TSPAN5: variants seen among roughly 807,000 people sequenced by gnomAD.
TSPAN5 encodes tetraspanin-5.
TSPAN5 carries 10 observed loss-of-function variants against 37.1 expected under a neutral mutation model. That is an observed-to-expected ratio of 0.27 (90% CI 0.17 to 0.46). The LOEUF (loss-of-function observed/expected upper bound fraction) is 0.46. TSPAN5 is among the 20% of genes least tolerant of loss of function. TSPAN5 has a pLI of 1.00. For synonymous variants in TSPAN5, 110 were observed against 118.9 expected (o/e 0.93, Z 0.48); for missense variants, 195 against 326.6 (o/e 0.60, Z 3.11).
chr4:98,658,406 GC>G lies in TSPAN5; in HGVS notation c.-181del. ...GCGGAGAGCGGCTCCCGCACCTCCA[GC>G]CCCTCGCGCGCCGAGGCCGCCGGAG... On this transcript the variant is annotated 5_prime_UTR_variant, in exon 1 of 8. Transcript: ENST00000305798. The G allele has an allele frequency of 2.8e-6, 1 of 361,630 alleles. No individual in the cohort carries two copies. Among genetic ancestry groups the G allele is most frequent in the Non-Finnish European group, 4.9e-6 (1 of 206,088 alleles). The allele number at this position is 361,630 out of a possible 1,614,324, so 22.4% of individuals were successfully genotyped here.
chr4:98,492,002 C>T (rs1028139990), intron 2 of TSPAN5, among the ~76,000 whole-genome samples: 1 of 152,152 alleles, frequency 6.6e-6, no homozygotes, highest in Non-Finnish European at 1.5e-5. Flanking sequence ...TGCAAGAACA[C>T]CACCAGCAGA....
intron 1 of TSPAN5, among the ~76,000 whole-genome samples, chr4:98,581,241 G>A (rs967077911): frequency 1.3e-5 from 2 of 152,112 alleles, no homozygotes; most frequent in African/African-American, 4.8e-5. Context: ...AAGTGAAAAA[G>A]CCATTCTGAA....
chr4:98,471,683 G>A lies in TSPAN5; in HGVS notation c.*839C>T, dbSNP rs1752587194. ...CAAACATACAAAACAAAATGACCCAGAATATTCCAGAGTTTCCAAAAATCC... is the reference window on the plus strand; with the variant it reads ...CAAACATACAAAACAAAATGACCCAAAATATTCCAGAGTTTCCAAAAATCC... On this transcript the variant is annotated 3_prime_UTR_variant, in exon 8 of 8. Transcript: ENST00000305798. The A allele has an allele frequency of 6.6e-6, 1 of 152,160 alleles. No individual in the cohort carries two copies. The highest frequency in any genetic ancestry group is 1.5e-5 in the Non-Finnish European group (1 of 68,038). 9.4% of individuals were successfully genotyped at this position (152,160 alleles called of 1,614,324 possible).
intron 1 of TSPAN5, among the ~76,000 whole-genome samples, chr4:98,580,281 T>C (rs1755338669): frequency 6.6e-6 from 1 of 152,210 alleles, no homozygotes; most frequent in Admixed American, 6.5e-5. Flanking sequence ...TGGGGGCAGA[T>C]GATGTGGACT....
intron 1 of TSPAN5, among the ~76,000 whole-genome samples, chr4:98,637,789 C>T (rs923873992): frequency 2.0e-5 from 3 of 152,150 alleles, no homozygotes; most frequent in Non-Finnish European, 2.9e-5. Context: ...TCTAAATCGC[C>T]CAAACCAACT....
chr4:98,482,189 C>G lies in TSPAN5; in HGVS notation c.280-14G>C. On this transcript the variant is annotated splice_polypyrimidine_tract_variant and intron_variant, in intron 3 of 7. Transcript: ENST00000305798. ...GAACACAGAAAACTAAGATAAAAGACACATACACAGAGAACAGTTATAAGG... is the reference window on the plus strand; with the variant it reads ...GAACACAGAAAACTAAGATAAAAGAGACATACACAGAGAACAGTTATAAGG... 6.2e-7 allele frequency: 1 copy of G among 1,612,808 alleles called. No individual in the cohort carries two copies. Among genetic ancestry groups the G allele is most frequent in the Non-Finnish European group, 8.5e-7 (1 of 1,179,474 alleles).
intron 1 of TSPAN5, among the ~76,000 whole-genome samples, chr4:98,548,921 A>C (rs900787880): frequency 7.3e-6 from 1 of 137,116 alleles, no homozygotes; most frequent in African/African-American, 2.9e-5. Flanking sequence ...GTGTGTGTGT[A>C]ACCCACATTT....
At chr4:98,520,347 T>G (rs76427464) in intron 1 of TSPAN5, among the ~76,000 whole-genome samples, 2 of 152,054 alleles carry the variant, frequency 1.3e-5, no homozygotes, top group African/African-American at 4.8e-5. Flanking sequence ...AAAAGTAACT[T>G]CCCTCAACTC....
intron 1 of TSPAN5, among the ~76,000 whole-genome samples, chr4:98,622,174 G>C (rs1489984084): frequency 1.3e-5 from 2 of 152,152 alleles, no homozygotes; most frequent in Non-Finnish European, 2.9e-5. Flanking sequence ...CTGCCTCCCA[G>C]GTTCAAATGA....
intron 1 of TSPAN5, among the ~76,000 whole-genome samples, chr4:98,650,812 C>A (rs992425491): frequency 9.2e-5 from 14 of 152,262 alleles, no homozygotes; most frequent in African/African-American, 3.1e-4. Context: ...ACATCTTATT[C>A]TGCCAGAGAG....
chr4:98,539,899 A>G (rs114636330), intron 1 of TSPAN5, among the ~76,000 whole-genome samples: 1 of 152,096 alleles, frequency 6.6e-6, no homozygotes, highest in Admixed American at 6.6e-5. Context: ...TCTCATCAAC[A>G]TGGCTCTGTG....
At chr4:98,590,385 T>G (rs1165155633) in intron 1 of TSPAN5, among the ~76,000 whole-genome samples, 1 of 152,128 alleles carries the variant, frequency 6.6e-6, no homozygotes, top group Non-Finnish European at 1.5e-5. Context: ...AAAGTGGATA[T>G]TCCCATCTTA....
At chr4:98,498,549 C>A (rs1021139404) in intron 2 of TSPAN5, among the ~76,000 whole-genome samples, 1 of 152,126 alleles carries the variant, frequency 6.6e-6, no homozygotes, top group South Asian at 2.1e-4. Context: ...TTCTTTTGTG[C>A]GCCTCGGTGA....
At chr4:98,547,879 C>T (rs1031998427) in intron 1 of TSPAN5, among the ~76,000 whole-genome samples, 1 of 151,942 alleles carries the variant, frequency 6.6e-6, no homozygotes, top group East Asian at 1.9e-4. Context: ...GTGGTGGGTG[C>T]CTGTAATCCC....
chr4:98,618,524 T>C (rs1417436076), intron 1 of TSPAN5, among the ~76,000 whole-genome samples: 3 of 152,098 alleles, frequency 2.0e-5, no homozygotes, highest in African/African-American at 7.3e-5. Context: ...TGCATTAGGC[T>C]CTTTATATGT....
chr4:98,588,075 GCA>G (rs1278734563), intron 1 of TSPAN5, among the ~76,000 whole-genome samples: 1 of 152,050 alleles, frequency 6.6e-6, no homozygotes, highest in Non-Finnish European at 1.5e-5. Context: ...CTCCCGCCCT[GCA>G]CAGTCTATTC....
At chr4:98,586,439 C>T (rs1351597268) in intron 1 of TSPAN5, among the ~76,000 whole-genome samples, 2 of 151,940 alleles carry the variant, frequency 1.3e-5, no homozygotes, top group Admixed American at 6.6e-5. Context: ...GGCATGGTTT[C>T]CAAGGTAACA....
At chr4:98,565,207 G>A (rs1438343874) in intron 1 of TSPAN5, among the ~76,000 whole-genome samples, 1 of 152,052 alleles carries the variant, frequency 6.6e-6, no homozygotes, top group Non-Finnish European at 1.5e-5. Context: ...TTTGACGGTT[G>A]GTGTTTTTCC....
At chr4:98,644,000 A>C (rs542277376) in intron 1 of TSPAN5, among the ~76,000 whole-genome samples, 1 of 152,316 alleles carries the variant, frequency 6.6e-6, no homozygotes, top group Admixed American at 6.5e-5. Flanking sequence ...TCATGCTGAA[A>C]AACATCTAAA....
Sources: gnomAD v4.1 joint callset for allele counts (sites outside exome capture counted in the v4.1 genomes callset) on GRCh38, gnomAD v4.1.1 for gene constraint, MANE v1.5 for transcripts, NCBI Gene and HGNC (gene_info 2026-07-23, HGNC 2026-07-21) for gene names.